Variants in GPBP1L1 observed in about 807,000 individuals in gnomAD.
GPBP1L1 encodes vasculin-like protein 1.
In GPBP1L1, 23 loss-of-function variants were observed where a neutral mutation model predicts 52.5. That is an observed-to-expected ratio of 0.44 (90% CI 0.32 to 0.62). The LOEUF (loss-of-function observed/expected upper bound fraction) is 0.62. Among genes scored for constraint, GPBP1L1 ranks in the 20% least tolerant of loss-of-function variants. The probability of loss-of-function intolerance (pLI) is 0.06; values close to 1 mark genes in which losing one functional copy is unlikely to be tolerated. For synonymous variants in GPBP1L1, 243 were observed against 203.1 expected (o/e 1.20, Z -1.67); for missense variants, 596 against 579.3 (o/e 1.03, Z -0.30).
chr1:45,673,284 C>A (rs1474809991), intron 2 of GPBP1L1, among the ~76,000 whole-genome samples: 1 of 152,152 alleles, frequency 6.6e-6, no homozygotes, highest in Non-Finnish European at 1.5e-5. Context: ...GCAAGACCTT[C>A]AGCTAAAAGT....
At position 45,629,622 on chromosome 1, in the gene GPBP1L1, G is replaced by A. The variant is rs148045088; in HGVS notation, c.1226C>T (p.Pro409Leu). ...EYPENDENCL[P>L]LTEDELKEFH... ...CTCTTTGAGCTCATCCTCTGTGAGGGGAAGGCAATTCTCATCATTTTCAGG... is the reference window on the plus strand; with the variant it reads ...CTCTTTGAGCTCATCCTCTGTGAGGAGAAGGCAATTCTCATCATTTTCAGG... Residue 409 changes from proline (P) to leucine (L), a missense_variant, in exon 12 of 13, where the codon CCC (proline) becomes CTC (leucine). Physicochemically the swap from Pro to Leu is moderately conservative, Grantham distance 98. Transcript: ENST00000355105. 1.3e-4 allele frequency: 211 copies of A among 1,613,522 alleles called. No individual in the cohort carries two copies. The highest frequency in any genetic ancestry group is 1.5e-4 in the Non-Finnish European group (182 of 1,179,496).
At chr1:45,641,080 A>C (rs1375060548) in intron 7 of GPBP1L1, among the ~76,000 whole-genome samples, 1 of 152,150 alleles carries the variant, frequency 6.6e-6, no homozygotes, top group Non-Finnish European at 1.5e-5. Flanking sequence ...ATGAGAATAG[A>C]GAGATGAGGT....
At chr1:45,645,742 T>C (rs1174910321) in intron 6 of GPBP1L1, 1 of 353,068 alleles carries the variant, frequency 2.8e-6, no homozygotes, top group Non-Finnish European at 5.3e-6. Context: ...AGGAAAAGTC[T>C]TGGGAACGAT....
intron 2 of GPBP1L1, among the ~76,000 whole-genome samples, chr1:45,664,197 G>T (rs12070775): frequency 0.28 from 42,990 of 152,040 alleles, 6,203 homozygotes; most frequent in South Asian, 0.36. Flanking sequence ...GCAAGCGCCT[G>T]TAGTACCAGC....
intron 7 of GPBP1L1, among the ~76,000 whole-genome samples, chr1:45,642,143 C>T (rs1050308243): frequency 6.6e-6 from 1 of 152,168 alleles, no homozygotes; most frequent in Non-Finnish European, 1.5e-5. Context: ...CTCAAACAAA[C>T]AGACTAACAA....
chr1:45,656,194 AAAT>A (rs1644882388), intron 4 of GPBP1L1: 1 of 152,234 alleles, frequency 6.6e-6, no homozygotes, highest in Non-Finnish European at 1.5e-5. Context: ...CAGAGAGAAA[AAAT>A]AAGTCTTTGA....
At chr1:45,676,659 G>A (rs1391259870) in intron 2 of GPBP1L1, among the ~76,000 whole-genome samples, 4 of 147,158 alleles carry the variant, frequency 2.7e-5, no homozygotes, top group Non-Finnish European at 4.5e-5. Flanking sequence ...GCAGTGAGCC[G>A]AGACTGCACC....
chr1:45,685,286 G>T (rs1645265977), intron 2 of GPBP1L1, among the ~76,000 whole-genome samples: 1 of 152,206 alleles, frequency 6.6e-6, no homozygotes, highest in African/African-American at 2.4e-5. Flanking sequence ...CTAATGAGGA[G>T]TGACTACCAA....
intron 10 of GPBP1L1, among the ~76,000 whole-genome samples, chr1:45,632,847 T>C (rs1252136655): frequency 6.6e-6 from 1 of 152,058 alleles, no homozygotes; most frequent in East Asian, 1.9e-4. Context: ...AACTTAGCAA[T>C]AAGAAAACAG....
intron 2 of GPBP1L1, among the ~76,000 whole-genome samples, chr1:45,675,867 T>C (rs1645133572): frequency 6.6e-6 from 1 of 152,190 alleles, no homozygotes; most frequent in African/African-American, 2.4e-5. Context: ...GAGCTATCCT[T>C]GAGCATTCCT....
chr1:45,677,073 C>G (rs1459815388), intron 2 of GPBP1L1, among the ~76,000 whole-genome samples: 1 of 151,688 alleles, frequency 6.6e-6, no homozygotes, highest in African/African-American at 2.4e-5. Flanking sequence ...CAGTGGCTCA[C>G]GCCTGTAATC....
intron 1 of GPBP1L1, among the ~76,000 whole-genome samples, 151 bp downstream of exon 1, chr1:45,686,261 C>T (rs913639321): frequency 6.6e-6 from 1 of 152,256 alleles, no homozygotes; most frequent in Non-Finnish European, 1.5e-5. Context: ...GGGCTCCGCT[C>T]GCCCCTCTCG....
At chr1:45,656,669 CTTTTTT>C (rs531524977) in intron 4 of GPBP1L1, among the ~76,000 whole-genome samples, 1 of 139,916 alleles carries the variant, frequency 7.1e-6, no homozygotes, top group Non-Finnish European at 1.6e-5. Flanking sequence ...ATACATAAGC[CTTTTTT>C]TTTTTTTTTT....
Position 45,628,225 on chromosome 1 carries a change from G to A in GPBP1L1, c.*31C>T, listed in dbSNP as rs541428578. On this transcript the variant is annotated 3_prime_UTR_variant, in exon 13 of 13. Coordinates refer to ENST00000355105, the MANE Select transcript of GPBP1L1 (RefSeq NM_021639.5). ...ACTCCCTAAACACACAGAGTTTACT[G>A]GGTCAGATTTAACTGTGAGCATTTA... 6.2e-7 allele frequency: 1 copy of A among 1,604,488 alleles called. No homozygotes were observed. Among genetic ancestry groups the A allele is most frequent in the Admixed American group, 1.7e-5 (1 of 59,948 alleles).
intron 2 of GPBP1L1, among the ~76,000 whole-genome samples, chr1:45,665,119 G>A (rs578072835): frequency 5.3e-5 from 8 of 151,968 alleles, no homozygotes; most frequent in Admixed American, 3.3e-4. Flanking sequence ...TGAAACCCCC[G>A]TCTCTACTAT....
chr1:45,635,335 A>T (rs1176051314), intron 8 of GPBP1L1: 1 of 152,044 alleles, frequency 6.6e-6, no homozygotes, highest in African/African-American at 2.4e-5. Flanking sequence ...ATGAAGATTA[A>T]TTTTTTTCTT....
intron 6 of GPBP1L1, chr1:45,645,831 A>G (rs1644737774): frequency 4.1e-6 from 2 of 486,052 alleles, no homozygotes; most frequent in Admixed American, 2.4e-5. Flanking sequence ...AACAAAATCC[A>G]AGGATTTTCC....
chr1:45,679,167 G>C (rs543449702), intron 2 of GPBP1L1, among the ~76,000 whole-genome samples: 2 of 150,092 alleles, frequency 1.3e-5, no homozygotes, highest in East Asian at 3.9e-4. Flanking sequence ...TGAGAATTGG[G>C]GCAGATAAAA....
intron 10 of GPBP1L1, among the ~76,000 whole-genome samples, chr1:45,630,935 G>T (rs941466684): frequency 6.6e-6 from 1 of 152,144 alleles, no homozygotes; most frequent in Non-Finnish European, 1.5e-5. Context: ...GGTGTGGGGG[G>T]AAAAAGTGTG....
Sources: gnomAD v4.1 joint callset for allele counts (sites outside exome capture counted in the v4.1 genomes callset) on GRCh38, gnomAD v4.1.1 for gene constraint, MANE v1.5 for transcripts, NCBI Gene and HGNC (gene_info 2026-07-23, HGNC 2026-07-21) for gene names.